PCM1: variants seen among roughly 807,000 people sequenced by gnomAD.
PCM1 encodes the protein pericentriolar material 1 protein.
PCM1 carries 157 observed loss-of-function variants against 241.9 expected under a neutral mutation model. The observed-to-expected ratio is 0.65, with a 90% CI of 0.57 to 0.74. The LOEUF (loss-of-function observed/expected upper bound fraction) is 0.74, where lower values mean the gene tolerates loss of function less well. Ranked by LOEUF, PCM1 falls within the 30% of genes least tolerant of loss-of-function variation. The probability of loss-of-function intolerance (pLI) is 0.00; values close to 1 mark genes in which losing one functional copy is unlikely to be tolerated. For missense variants in PCM1, 3,478 were observed against 2,360.1 expected (o/e 1.47, Z -9.81); for synonymous variants, 1,085 against 784.9 (o/e 1.38, Z -6.39).
In PCM1 at chr8:17,986,079, A is replaced by C. The variant is rs754422455; in HGVS notation, c.4402A>C (p.Thr1468Pro). 1 of 1,576,048 alleles carries C rather than the reference A, an allele frequency of 6.3e-7. No individual in the cohort carries two copies. Among genetic ancestry groups the C allele is most frequent in the Non-Finnish European group, 8.6e-7 (1 of 1,161,990 alleles). Residue 1468 changes from threonine (T) to proline (P), a missense_variant, in exon 26 of 39, where the codon ACT becomes CCT. Physicochemically the swap from Thr to Pro is conservative, Grantham distance 38. Transcript: ENST00000325083. ...ELTPSESLATTDDETFEKNFE... is the reference protein window; with the variant it reads ...ELTPSESLATPDDETFEKNFE... ...TACTCCTAGTGAGAGCCTTGCTACT[A>C]CTGATGATGTAAGCTGATAATGATT...
intron 13 of PCM1, among the ~76,000 whole-genome samples, chr8:17,958,690 G>T (rs34842261): frequency 0.017 from 2,516 of 151,648 alleles, 73 homozygotes; most frequent in African/African-American, 0.058. Context: ...AAAGGTGAGC[G>T]TGCTCTCTCG....
chr8:17,947,885 C>T (rs902142566), intron 7 of PCM1, among the ~76,000 whole-genome samples: 1 of 152,118 alleles, frequency 6.6e-6, no homozygotes, highest in Non-Finnish European at 1.5e-5. Context: ...ATACATTCTT[C>T]GTAAGACTCA....
intron 23 of PCM1, among the ~76,000 whole-genome samples, chr8:17,973,255 C>T (rs917979150): frequency 3.9e-5 from 6 of 152,054 alleles, no homozygotes; most frequent in African/African-American, 1.4e-4. Flanking sequence ...ATACCTCTTA[C>T]AAAAATAGGT....
intron 23 of PCM1, among the ~76,000 whole-genome samples, chr8:17,977,758 G>A (rs929687930): frequency 6.6e-6 from 1 of 152,158 alleles, no homozygotes; most frequent in Non-Finnish European, 1.5e-5. Flanking sequence ...CTAAGCAGTA[G>A]AGAAGATTCC....
At chr8:17,941,665 C>T (rs546620009) in intron 6 of PCM1, among the ~76,000 whole-genome samples, 1 of 152,036 alleles carries the variant, frequency 6.6e-6, no homozygotes, top group East Asian at 1.9e-4. Context: ...ATCTTTTAGT[C>T]TGAGAATTCG....
At chr8:17,931,023 G>A (rs887627228) in intron 2 of PCM1, among the ~76,000 whole-genome samples, 3 of 152,048 alleles carry the variant, frequency 2.0e-5, no homozygotes, top group Non-Finnish European at 2.9e-5. Context: ...ACCCCCTATG[G>A]CAATCACAGT....
Position 17,955,513 on chromosome 8 carries a change from C to T in PCM1, c.1332C>T (p.Pro444=). 1.9e-6 allele frequency: 3 copies of T among 1,613,608 alleles called. No individual in the cohort carries two copies. Among genetic ancestry groups the T allele is most frequent in the Middle Eastern group, 1.6e-4 (1 of 6,062 alleles). ...RSVDQRSTSA[P]SASVGLAPVV... ...TCGATCAGAGAAGTACTTCAGCTCC[C>T]TCTGCTTCTGTAGGCTTGGCACCGG... The change falls in exon 10 of 39, where the codon CCC becomes CCT. Residue 444 remains proline (P), a synonymous_variant. Coordinates refer to ENST00000325083, the MANE Select transcript of PCM1 (RefSeq NM_006197.4).
intron 2 of PCM1, among the ~76,000 whole-genome samples, chr8:17,930,305 G>T (rs577940773): frequency 1.3e-5 from 2 of 151,480 alleles, no homozygotes; most frequent in African/African-American, 2.4e-5. Flanking sequence ...GGGTTTCACC[G>T]TGTTAGCCAG....
chr8:18,025,967 A>G (rs1395302423), intron 38 of PCM1, among the ~76,000 whole-genome samples: 2 of 151,836 alleles, frequency 1.3e-5, no homozygotes, highest in Non-Finnish European at 2.9e-5. Context: ...GATGGAGACC[A>G]TCCTGGCTAA....
chr8:17,928,007 C>T (rs1315588415), intron 2 of PCM1: 1 of 147,616 alleles, frequency 6.8e-6, no homozygotes, highest in Non-Finnish European at 1.5e-5. Flanking sequence ...ACAGTTTCAA[C>T]TTCGTTTAGT....
rs2094378745 is a variant in PCM1, at chr8:18,028,764, A to AAAT, written c.*1104_*1106dup. The AAAT allele has an allele frequency of 1.0e-5, 2 of 193,580 alleles. No homozygotes were observed. The highest frequency in any genetic ancestry group is 4.6e-5 in the African/African-American group (2 of 43,212). 12.0% of individuals were successfully genotyped at this position (193,580 alleles called of 1,614,324 possible). Reference sequence around the variant, plus strand: ...CTTATAGATTCTTCTTCCTCGAATAAAATACAAAGAATTAGTTCCAATAAG... The same window carrying AAAT: ...CTTATAGATTCTTCTTCCTCGAATAAAATAATACAAAGAATTAGTTCCAATAAG... On this transcript the variant is annotated 3_prime_UTR_variant, in exon 39 of 39. Transcript: ENST00000325083.
intron 10 of PCM1, chr8:17,955,859 C>G: frequency 3.5e-6 from 2 of 569,442 alleles, no homozygotes; most frequent in South Asian, 4.2e-5. Flanking sequence ...TTTCTGTGAA[C>G]TGATGTTACT....
chr8:18,017,942 A>G (rs997891138), intron 36 of PCM1, among the ~76,000 whole-genome samples: 1 of 152,206 alleles, frequency 6.6e-6, no homozygotes, highest in Non-Finnish European at 1.5e-5. Context: ...GTTACTCTCC[A>G]TAAGGCCCTT....
At chr8:17,980,449 T>G in intron 23 of PCM1, 142 bp from the exon 24 acceptor site, 1 of 567,506 alleles carries the variant, frequency 1.8e-6, no homozygotes, top group Non-Finnish European at 3.0e-6. Context: ...CCAAGACATA[T>G]TTACTGTTTT....
intron 21 of PCM1, among the ~76,000 whole-genome samples, chr8:17,968,730 A>ATGTG (rs551909289): frequency 0.012 from 1,642 of 134,528 alleles, 22 homozygotes; most frequent in African/African-American, 0.029. Flanking sequence ...GGATGTATAT[A>ATGTG]TGTGTGTGTG....
In PCM1 at chr8:18,029,500, G is replaced by C. The variant is rs1339135279; in HGVS notation, c.*1838G>C. The C allele has an allele frequency of 2.3e-5, 5 of 215,092 alleles. No homozygotes were observed. The highest frequency in any genetic ancestry group is 3.7e-4 in the South Asian group (2 of 5,396). 13.3% of individuals were successfully genotyped at this position (215,092 alleles called of 1,614,324 possible). On this transcript the variant is annotated 3_prime_UTR_variant, in exon 39 of 39. Coordinates refer to ENST00000325083, the MANE Select transcript of PCM1 (RefSeq NM_006197.4). ...CCTTACATACTGTGTTTCTCTCTCT[G>C]TCTGCATGCATATTAAAGTGGAAAA...
At position 17,938,123 on chromosome 8, in the gene PCM1, C is replaced by T. The variant is rs566827292; in HGVS notation, c.343-617C>T. Among the ~76,000 whole-genome samples, 7 of 152,202 alleles carry T rather than the reference C, an allele frequency of 4.6e-5. No homozygotes were observed. The South Asian group carries it at 1.2e-3, about 27-fold the overall frequency. ...AAAGCAATATGAGTTAAAGTGTGAT[C>T]CATGGTCCTAGGACACGTTGAGCAT... On this transcript the variant is annotated intron_variant, in intron 4 of 38. Transcript: ENST00000325083.
chr8:17,927,039 A>G (rs551489208), intron 2 of PCM1: 105 of 152,294 alleles, frequency 6.9e-4, no homozygotes, highest in African/African-American at 2.3e-3. Context: ...AAGTACAGGC[A>G]TATCTTGGAT....
chr8:17,960,906 C>T (rs552374453), intron 15 of PCM1, among the ~76,000 whole-genome samples: 2 of 152,026 alleles, frequency 1.3e-5, no homozygotes, highest in Admixed American at 6.6e-5. Context: ...TGGGGTTATA[C>T]GTTTACAGTG....
Sources: gnomAD v4.1 joint callset for allele counts (sites outside exome capture counted in the v4.1 genomes callset) on GRCh38, gnomAD v4.1.1 for gene constraint, MANE v1.5 for transcripts, NCBI Gene and HGNC (gene_info 2026-07-23, HGNC 2026-07-21) for gene names.